Variants in LMO2 observed in about 807,000 individuals in gnomAD.
LMO2 encodes the protein LIM domain only 2.
In LMO2, 20 loss-of-function variants were observed where a neutral mutation model predicts 23.2. The observed-to-expected ratio is 0.86, with a 90% CI of 0.61 to 1.25. The LOEUF is 1.25. LMO2 is among the 50% of genes most tolerant of loss of function. The pLI is 0.00. For synonymous variants in LMO2, 123 were observed against 130.2 expected (o/e 0.94, Z 0.38); for missense variants, 270 against 315.3 (o/e 0.86, Z 1.09).
intron 2 of LMO2, among the ~76,000 whole-genome samples, chr11:33,872,467 AGCAACTG>A (rs1300918608): frequency 6.6e-6 from 1 of 152,240 alleles, no homozygotes; most frequent in Non-Finnish European, 1.5e-5. Context: ...TTGCATGAAA[AGCAACTG>A]GTATATAGTA....
chr11:33,869,438 G>A lies in LMO2; in HGVS notation c.156C>T (p.Pro52=). The change falls in exon 4 of 6, where the codon CCC becomes CCT. Residue 52 remains proline, a synonymous_variant. Coordinates refer to ENST00000257818, the MANE Select transcript of LMO2 (RefSeq NM_005574.4). The part of the protein sequence containing the change: ...EGVRAPAAGQ[P]RATKGAPPPP... ...GCGGGGGCGCTCCCTTTGTGGCGCG[G>A]GGCTGGCCGGCTGCCGGGGCTCGGA... The A allele has an allele frequency of 8.3e-7, 1 of 1,199,952 alleles. No homozygotes were observed. The highest frequency in any genetic ancestry group is 1.0e-6 in the Non-Finnish European group (1 of 962,378). 74.3% of individuals were successfully genotyped at this position (1,199,952 alleles called of 1,614,324 possible). A position where few individuals can be genotyped will look rare whatever the true frequency, so the allele number is the denominator to read the frequency against.
At chr11:33,860,881 T>C (rs4363562) in intron 5 of LMO2, among the ~76,000 whole-genome samples, 147,679 of 152,340 alleles carry the variant, frequency 0.97, 71,761 homozygotes, top group East Asian at 1. Flanking sequence ...TGTGCGTTAA[T>C]GAACACTTCC....
intron 4 of LMO2, among the ~76,000 whole-genome samples, chr11:33,865,884 CACTT>C (rs1856763962): frequency 6.6e-6 from 1 of 152,240 alleles, no homozygotes; most frequent in Non-Finnish European, 1.5e-5. Flanking sequence ...ACACAGCAAA[CACTT>C]AATACGTGTT....
Position 33,880,255 on chromosome 11 carries a change from A to ATATATATCATATATACACAT in LMO2, c.-272+1568_-272+1569insATGTGTATATATGATATATA. ...TATATATATCATATATACACATGAT[A>ATATATATCATATATACACAT]TATATATCATACATACACATGATAT... is the stretch of plus-strand genomic sequence containing the variant. On this transcript the variant is annotated intron_variant, in intron 2 of 5. Transcript: ENST00000257818. This position sits in a 1 kb window ranked among gnomAD's most constrained non-coding sequence, Gnocchi z 4.3. 2.5e-5 allele frequency among the ~76,000 whole-genome samples: 1 copy of ATATATATCATATATACACAT among 40,318 alleles called. No individual in the cohort carries two copies. Among genetic ancestry groups the ATATATATCATATATACACAT allele is most frequent in the Non-Finnish European group, 6.1e-5 (1 of 16,344 alleles). The allele number at this position is 40,318 out of a possible 152,430, so 26.5% of individuals were successfully genotyped here.
Position 33,882,704 on chromosome 11 carries a change from G to A in LMO2, c.-335-817C>T, listed in dbSNP as rs1016884516. ...TTATTGAGCACTTATTATGTGCCAG[G>A]CATTTTAAATACTTGATCTTATTCA... On this transcript the variant is annotated intron_variant, in intron 1 of 5. Transcript: ENST00000257818. Among the ~76,000 whole-genome samples, 5 of 152,126 alleles carry A rather than the reference G, an allele frequency of 3.3e-5. No individual in the cohort carries two copies. In the South Asian group the frequency reaches 1.0e-3, roughly 32 times the overall value.
In LMO2 at chr11:33,859,053, T is replaced by C. The variant is rs1856466599; in HGVS notation, c.*303A>G. 1 of 404,254 alleles carries C rather than the reference T, an allele frequency of 2.5e-6. No homozygotes were observed. Among genetic ancestry groups the C allele is most frequent in the Non-Finnish European group, 4.6e-6 (1 of 219,010 alleles). 25.0% of individuals were successfully genotyped at this position (404,254 alleles called of 1,614,324 possible). A position where few individuals can be genotyped will look rare whatever the true frequency, so the allele number is the denominator to read the frequency against. On this transcript the variant is annotated 3_prime_UTR_variant, in exon 6 of 6. Coordinates refer to ENST00000257818, the MANE Select transcript of LMO2 (RefSeq NM_005574.4). ...TATCTGTAGATATGAAATTCCATCA[T>C]GATAGCACAGCGCCTGCTTGCCCCT... is the stretch of plus-strand genomic sequence containing the variant.
rs1565034799 is a variant in LMO2, at chr11:33,880,285, C to CATATATACACATGAT, written c.-272+1538_-272+1539insATCATGTGTATATAT. 3.9e-4 allele frequency among the ~76,000 whole-genome samples: 21 copies of CATATATACACATGAT among 53,518 alleles called. No homozygotes were observed. Among genetic ancestry groups the CATATATACACATGAT allele is most frequent in the East Asian group, 1.8e-3 (3 of 1,682 alleles). The allele number at this position is 53,518 out of a possible 152,430, so 35.1% of individuals were successfully genotyped here. A position where few individuals can be genotyped will look rare whatever the true frequency, so the allele number is the denominator to read the frequency against. ...TATCATACATACACATGATATATAT[C>CATATATACACATGAT]ATATATATCATATATATACATATCA... is the stretch of plus-strand genomic sequence containing the variant. On this transcript the variant is annotated intron_variant, in intron 2 of 5. Coordinates refer to ENST00000257818, the MANE Select transcript of LMO2 (RefSeq NM_005574.4). The surrounding 1 kb of genome is among the most constrained non-coding windows in gnomAD (Gnocchi z 4.3).
chr11:33,860,104 T>C (rs1307794486), intron 5 of LMO2, among the ~76,000 whole-genome samples: 2 of 152,010 alleles, frequency 1.3e-5, no homozygotes, highest in Non-Finnish European at 2.9e-5. Flanking sequence ...CTCCATAAGC[T>C]GCAAAGCACA....
At position 33,869,314 on chromosome 11, in the gene LMO2, G is replaced by C. The variant is rs1440404294; in HGVS notation, c.248+32C>G. The stretch of plus-strand genomic sequence containing the variant: ...TCCGGGACGCGAGGCCGTGGACACC[G>C]GGGGTGGCAGGGGCAGGGGGGCCGC... On this transcript the variant is annotated intron_variant, in intron 4 of 5. Transcript: ENST00000257818. 5 of 1,160,530 alleles carry C rather than the reference G, an allele frequency of 4.3e-6. No individual in the cohort carries two copies. The Middle Eastern group carries it at 1.1e-3, about 248-fold the overall frequency. 71.9% of individuals were successfully genotyped at this position (1,160,530 alleles called of 1,614,324 possible). A position where few individuals can be genotyped will look rare whatever the true frequency, so the allele number is the denominator to read the frequency against.
At chr11:33,876,152 T>A (rs1565032688) in intron 2 of LMO2, among the ~76,000 whole-genome samples, 1 of 152,184 alleles carries the variant, frequency 6.6e-6, no homozygotes, top group Non-Finnish European at 1.5e-5. Flanking sequence ...GTTCAAATAT[T>A]TCATCCTCAG....
chr11:33,872,624 T>G (rs1235055001), intron 2 of LMO2, among the ~76,000 whole-genome samples: 2 of 152,162 alleles, frequency 1.3e-5, no homozygotes, highest in Non-Finnish European at 2.9e-5. Context: ...CTATTTCCTG[T>G]TTTTTAAAAG....
chr11:33,865,923 C>T (rs1295528981), intron 4 of LMO2, among the ~76,000 whole-genome samples: 2 of 152,228 alleles, frequency 1.3e-5, no homozygotes, highest in East Asian at 3.8e-4. Flanking sequence ...AGCAAGTGTT[C>T]TCTGGAACCT....
At chr11:33,887,710 T>C (rs1857447071) in intron 1 of LMO2, among the ~76,000 whole-genome samples, 1 of 152,022 alleles carries the variant, frequency 6.6e-6, no homozygotes, top group Non-Finnish European at 1.5e-5. Flanking sequence ...AATTTTTGTT[T>C]TGTTCTTTTG....
At chr11:33,877,947 T>C (rs936937341) in intron 2 of LMO2, among the ~76,000 whole-genome samples, 6 of 152,164 alleles carry the variant, frequency 3.9e-5, no homozygotes, top group African/African-American at 7.2e-5. Context: ...CCTCATGTGT[T>C]TTACTGCCAC....
intron 2 of LMO2, among the ~76,000 whole-genome samples, chr11:33,874,687 T>C (rs1045058916): frequency 5.3e-5 from 8 of 152,278 alleles, no homozygotes; most frequent in African/African-American, 1.9e-4. Context: ...TAGAAAGAGC[T>C]GAAGTTCACC....
Position 33,869,499 on chromosome 11 carries a change from C to A in LMO2, c.95G>T (p.Gly32Val). ...SKRRRRSGGD[G>V]GGGGGARAPE... Reference sequence around the variant, plus strand: ...TGCTCGGGCGCCGCCGCCGCCGCCGCCGTCGCCGCCGCTCCTGCGCCTCCG... The same window carrying A: ...TGCTCGGGCGCCGCCGCCGCCGCCGACGTCGCCGCCGCTCCTGCGCCTCCG... The change falls in exon 4 of 6, where the codon GGC (glycine) becomes GTC (valine). Residue 32 changes from glycine to valine, a missense_variant. Physicochemically the swap from Gly to Val is moderately radical, Grantham distance 109 (BLOSUM62 -3). Transcript: ENST00000257818. 3 of 1,200,824 alleles carry A rather than the reference C, an allele frequency of 2.5e-6. No homozygotes were observed. Among genetic ancestry groups the A allele is most frequent in the Non-Finnish European group, 3.1e-6 (3 of 963,882 alleles). The allele number at this position is 1,200,824 out of a possible 1,614,324, so 74.4% of individuals were successfully genotyped here.
intron 1 of LMO2, among the ~76,000 whole-genome samples, chr11:33,883,225 A>G (rs1377296063): frequency 6.6e-6 from 1 of 152,250 alleles, no homozygotes; most frequent in African/African-American, 2.4e-5. Flanking sequence ...TACTCAAAAC[A>G]TATTTATTAG....
At chr11:33,871,207 G>C (rs1857013596) in intron 2 of LMO2, 1 of 87,536 alleles carries the variant, frequency 1.1e-5, no homozygotes, top group African/African-American at 3.5e-5. Flanking sequence ...AAAGCTGTGT[G>C]TGTGTGTGTG....
chr11:33,879,479 A>G (rs1270972189), intron 2 of LMO2, among the ~76,000 whole-genome samples: 3 of 149,100 alleles, frequency 2.0e-5, no homozygotes, highest in Non-Finnish European at 4.4e-5. Flanking sequence ...AAAAAAAAAA[A>G]TAGCCGGGCG....
Sources: gnomAD v4.1 joint callset for allele counts (sites outside exome capture counted in the v4.1 genomes callset) on GRCh38, gnomAD v4.1.1 for gene constraint, Gnocchi (gnomAD v3.1) non-coding constraint, MANE v1.5 for transcripts, NCBI Gene and HGNC (gene_info 2026-07-23, HGNC 2026-07-21) for gene names.